RANBP2: variants seen among roughly 807,000 people sequenced by gnomAD.
RANBP2 encodes RAN binding protein 2, also known as E3 SUMO-protein ligase RanBP2.
A neutral mutation model predicts 303.6 loss-of-function variants in RANBP2; 57 were observed. The observed-to-expected ratio is 0.19, with a 90% CI of 0.15 to 0.23. The LOEUF (loss-of-function observed/expected upper bound fraction) is 0.23, where lower values mean the gene tolerates loss of function less well. RANBP2 is among the 10% of genes least tolerant of loss of function. RANBP2 has a pLI of 1.00. For missense variants in RANBP2, 3,138 were observed against 3,780.8 expected (o/e 0.83, Z 4.46); for synonymous variants, 1,167 against 1,301.5 (o/e 0.90, Z 2.23).
the RANBP2 span, among the ~76,000 whole-genome samples, chr2:109,300,087 G>A: frequency 6.6e-6 from 1 of 152,220 alleles, no homozygotes; most frequent in African/African-American, 2.4e-5. Context: ...TGGGTGAGCA[G>A]CAAGGATAAG....
At chr2:108,918,313 C>T in the RANBP2 span, among the ~76,000 whole-genome samples, 2 of 152,218 alleles carry the variant, frequency 1.3e-5, no homozygotes, top group African/African-American at 4.8e-5. Context: ...TAACTCTGCA[C>T]TAACCAAATA....
At chr2:109,124,855 A>C in the RANBP2 span, among the ~76,000 whole-genome samples, 1 of 152,106 alleles carries the variant, frequency 6.6e-6, no homozygotes, top group Non-Finnish European at 1.5e-5. Context: ...CCTGGCGGAG[A>C]TCCTCCAGGG....
At position 108,783,830 on chromosome 2, in the gene RANBP2, A is replaced by G. The variant is rs1678424306; in HGVS notation, c.9604A>G (p.Ile3202Val). The G allele has an allele frequency of 8.7e-6, 14 of 1,613,186 alleles. No individual in the cohort carries two copies. The highest frequency in any genetic ancestry group is 1.1e-5 in the Non-Finnish European group (13 of 1,179,196). ...VKDGMDTVKK[I>V]ESFGSPKGSV... ...GGATGGCATGGATACTGTGAAAAAGATTGAATCATTTGGTTCTCCCAAAGG... is the reference window on the plus strand; with the variant it reads ...GGATGGCATGGATACTGTGAAAAAGGTTGAATCATTTGGTTCTCCCAAAGG... Residue 3202 changes from isoleucine to valine, a missense_variant, in exon 29 of 29, where the codon ATT (isoleucine) becomes GTT (valine). Transcript: ENST00000283195.
the RANBP2 span, among the ~76,000 whole-genome samples, chr2:108,985,100 GTTGGCAGAATCAACTC>G: frequency 6.6e-6 from 1 of 152,164 alleles, no homozygotes. Flanking sequence ...TTAAGGTGTT[GTTGGCAGAATCAACTC>G]TTTTTTATTT....
chr2:109,201,073 G>A, the RANBP2 span, among the ~76,000 whole-genome samples: 3 of 152,212 alleles, frequency 2.0e-5, no homozygotes, highest in Admixed American at 1.3e-4. Flanking sequence ...AAGCAGCCGT[G>A]CTCAGGGACT....
At chr2:109,705,394 A>G in the RANBP2 span, among the ~76,000 whole-genome samples, 6 of 152,346 alleles carry the variant, frequency 3.9e-5, no homozygotes, top group Non-Finnish European at 7.3e-5. Flanking sequence ...CAACAAGAGC[A>G]AAACTCTGTC....
At chr2:109,732,862 TC>T in the RANBP2 span, 3 of 1,290,450 alleles carry the variant, frequency 2.3e-6, no homozygotes, top group Non-Finnish European at 3.3e-6. Flanking sequence ...AATTTGAAGA[TC>T]CCCGAGATGC....
At chr2:109,078,245 GTGTA>G in the RANBP2 span, among the ~76,000 whole-genome samples, 3 of 33,946 alleles carry the variant, frequency 8.8e-5, no homozygotes, top group Admixed American at 4.2e-4. Context: ...TATATATAGC[GTGTA>G]TATATATATA....
At chr2:109,738,010 A>T in the RANBP2 span, among the ~76,000 whole-genome samples, 1 of 151,968 alleles carries the variant, frequency 6.6e-6, no homozygotes, top group Admixed American at 6.6e-5. Context: ...GTTTGTAAAC[A>T]GTTTCTCCCA....
chr2:109,597,290 T>C, the RANBP2 span, among the ~76,000 whole-genome samples: 2 of 152,150 alleles, frequency 1.3e-5, no homozygotes, highest in Admixed American at 6.6e-5. Context: ...AGGACAAGAG[T>C]TGGCTGAATC....
chr2:109,257,470 G>T, the RANBP2 span, among the ~76,000 whole-genome samples: 4 of 152,132 alleles, frequency 2.6e-5, no homozygotes, highest in African/African-American at 9.7e-5. Context: ...TGGCTTTCTT[G>T]TAAATAGCAG....
chr2:109,167,378 G>A, the RANBP2 span, among the ~76,000 whole-genome samples: 10 of 152,282 alleles, frequency 6.6e-5, no homozygotes, highest in South Asian at 1.9e-3. Context: ...CTGATGCCTG[G>A]ACCATATTTG....
At chr2:109,666,993 T>A in the RANBP2 span, 3 of 430,870 alleles carry the variant, frequency 7.0e-6, no homozygotes, top group South Asian at 7.1e-5. Flanking sequence ...GATGACTGAG[T>A]CCTGATTTCT....
the RANBP2 span, among the ~76,000 whole-genome samples, chr2:108,831,178 CA>C: frequency 0.064 from 9,531 of 149,382 alleles, 652 homozygotes; most frequent in African/African-American, 0.17. Flanking sequence ...GACTCTGTCT[CA>C]AAAAAAAAGA....
the RANBP2 span, among the ~76,000 whole-genome samples, chr2:108,829,996 A>G: frequency 2.0e-5 from 3 of 149,776 alleles, no homozygotes; most frequent in Non-Finnish European, 4.4e-5. Flanking sequence ...ATTATATATA[A>G]TAAAAAGAAG....
chr2:109,045,741 C>T, the RANBP2 span, among the ~76,000 whole-genome samples: 5 of 151,834 alleles, frequency 3.3e-5, no homozygotes, highest in Non-Finnish European at 7.4e-5. Context: ...ATTACCTTGG[C>T]GGAAAGAGGG....
chr2:109,660,473 T>C, the RANBP2 span, among the ~76,000 whole-genome samples: 5 of 152,252 alleles, frequency 3.3e-5, no homozygotes, highest in South Asian at 2.1e-4. Context: ...TTGCATTGTG[T>C]GTTTTGTCCA....
chr2:109,389,556 G>A, the RANBP2 span, among the ~76,000 whole-genome samples: 2 of 152,208 alleles, frequency 1.3e-5, no homozygotes, highest in Non-Finnish European at 2.9e-5. Flanking sequence ...TGGATCGTTT[G>A]AAAACCACTG....
chr2:109,649,683 C>G, the RANBP2 span, among the ~76,000 whole-genome samples: 1 of 152,182 alleles, frequency 6.6e-6, no homozygotes, highest in Non-Finnish European at 1.5e-5. Flanking sequence ...CAGGCATGTG[C>G]CACCATGCCC....
Sources: allele counts gnomAD v4.1 joint callset (sites outside exome capture counted in the v4.1 genomes callset), GRCh38; gene constraint gnomAD v4.1.1; transcripts MANE v1.5; gene names NCBI Gene and HGNC (gene_info 2026-07-23, HGNC 2026-07-21).